HTR4: variants seen among roughly 807,000 people sequenced by gnomAD.
The protein encoded by HTR4 is 5-hydroxytryptamine receptor 4, also known as 5-hydroxytryptamine (serotonin) receptor 4, G protein-coupled.
In HTR4, 16 loss-of-function variants were observed where a neutral mutation model predicts 36.8. That is an observed-to-expected ratio of 0.43 (90% confidence interval 0.29 to 0.66). The LOEUF is 0.66. HTR4 is among the 30% of genes least tolerant of loss of function. The probability of loss-of-function intolerance (pLI) is 0.13; values close to 1 mark genes in which losing one functional copy is unlikely to be tolerated. For missense variants in HTR4, 438 were observed against 490.9 expected (o/e 0.89, Z 1.02); for synonymous variants, 189 against 185.1 (o/e 1.02, Z -0.17).
chr5:148,557,697 G>T (rs1426990234), intron 2 of HTR4, among the ~76,000 whole-genome samples: 1 of 151,570 alleles, frequency 6.6e-6, no homozygotes, highest in Non-Finnish European at 1.5e-5. Context: ...GGGGACATCA[G>T]ATGAGAGCGG....
At chr5:148,563,723 AC>A (rs796690459) in intron 2 of HTR4, among the ~76,000 whole-genome samples, 61 of 152,302 alleles carry the variant, frequency 4.0e-4, no homozygotes, top group African/African-American at 1.4e-3. Flanking sequence ...AGATATAACA[AC>A]TATTTGCATA....
chr5:148,555,946 T>TCACACACACACACA (rs60289333), intron 2 of HTR4, among the ~76,000 whole-genome samples: 2 of 149,736 alleles, frequency 1.3e-5, no homozygotes, highest in African/African-American at 2.5e-5. Flanking sequence ...TTATACTTTG[T>TCACACACACACACA]CACACACACA....
At chr5:148,466,972 G>A (rs1755445802) in intron 5 of HTR4, among the ~76,000 whole-genome samples, 1 of 152,092 alleles carries the variant, frequency 6.6e-6, no homozygotes, top group Non-Finnish European at 1.5e-5. Context: ...TAATTCATAA[G>A]CCAGTGTGAA....
In HTR4 at chr5:148,481,550, T is replaced by A; in HGVS notation, c.*1653A>T. 6.5e-7 allele frequency: 1 copy of A among 1,527,830 alleles called. No homozygotes were observed. Among genetic ancestry groups the A allele is most frequent in the Admixed American group, 2.0e-5 (1 of 49,672 alleles). The allele number at this position is 1,527,830 out of a possible 1,614,324, so 94.6% of individuals were successfully genotyped here. Reference sequence around the variant, plus strand: ...GACAGAGAGGCTTTTTTTTTTCTTTTTCTTTTTGGCATTTGGATGGTTTGG... The same window carrying A: ...GACAGAGAGGCTTTTTTTTTTCTTTATCTTTTTGGCATTTGGATGGTTTGG... On this transcript the variant is annotated 3_prime_UTR_variant, in exon 7 of 7. Coordinates refer to ENST00000377888, the MANE Select transcript of HTR4 (RefSeq NM_000870.7).
chr5:148,506,221 A>T (rs1383224181), intron 6 of HTR4, among the ~76,000 whole-genome samples: 1 of 152,184 alleles, frequency 6.6e-6, no homozygotes, highest in Non-Finnish European at 1.5e-5. Flanking sequence ...ATAATACCAC[A>T]CATCTACAAC....
In HTR4 at chr5:148,572,634, A is replaced by T. The variant is rs183594063; in HGVS notation, c.27-22372T>A. ...TCCTCAGTTACTCACTCCAATGTTC[A>T]GTCCATGAGTTCGTCATTACCAATA... On this transcript the variant is annotated intron_variant, in intron 2 of 6. Coordinates refer to ENST00000377888, the MANE Select transcript of HTR4 (RefSeq NM_000870.7). Among the ~76,000 whole-genome samples, 38 of 152,256 alleles carry T rather than the reference A, an allele frequency of 2.5e-4. No homozygotes were observed. In the East Asian group the frequency reaches 7.0e-3, roughly 28 times the overall value.
chr5:148,578,931 C>A lies in HTR4; in HGVS notation c.27-28669G>T, dbSNP rs192041665. 3.4e-4 allele frequency among the ~76,000 whole-genome samples: 52 copies of A among 152,198 alleles called. 1 individual carries two copies. The highest frequency in any genetic ancestry group is 2.8e-3 in the Admixed American group (43 of 15,264). ...GCTACTCTAGAAAAATCAGGATGTTCTTTTGCCCACTTCTCCTAATTATGC... is the reference window on the plus strand; with the variant it reads ...GCTACTCTAGAAAAATCAGGATGTTATTTTGCCCACTTCTCCTAATTATGC... On this transcript the variant is annotated intron_variant, in intron 2 of 6. Transcript: ENST00000377888.
At chr5:148,497,409 T>C (rs1412402248) in intron 6 of HTR4, among the ~76,000 whole-genome samples, 1 of 152,236 alleles carries the variant, frequency 6.6e-6, no homozygotes, top group Admixed American at 6.5e-5. Flanking sequence ...ATGATTATAA[T>C]AGATCATACA....
chr5:148,595,484 C>T (rs1761731776), intron 2 of HTR4, among the ~76,000 whole-genome samples: 1 of 152,134 alleles, frequency 6.6e-6, no homozygotes, highest in South Asian at 2.1e-4. Flanking sequence ...ACTGATAGCA[C>T]CCAGGACACA....
chr5:148,518,802 A>G (rs915055415), intron 5 of HTR4, among the ~76,000 whole-genome samples: 1 of 152,268 alleles, frequency 6.6e-6, no homozygotes, highest in South Asian at 2.1e-4. Flanking sequence ...ATTTTGTTCC[A>G]AAACACTTTT....
chr5:148,633,696 G>T (rs1357547215), intron 2 of HTR4, among the ~76,000 whole-genome samples: 1 of 152,048 alleles, frequency 6.6e-6, no homozygotes, highest in African/African-American at 2.4e-5. Context: ...TACACAGTGA[G>T]ATCCTTAAGC....
At chr5:148,643,443 G>A (rs1408941810) in intron 1 of HTR4, among the ~76,000 whole-genome samples, 1 of 152,052 alleles carries the variant, frequency 6.6e-6, no homozygotes, top group Non-Finnish European at 1.5e-5. Flanking sequence ...CAAAGGCAGA[G>A]ATTTTTTTCC....
intron 2 of HTR4, among the ~76,000 whole-genome samples, chr5:148,633,287 T>C (rs1252096062): frequency 6.6e-6 from 1 of 152,198 alleles, no homozygotes; most frequent in Non-Finnish European, 1.5e-5. Flanking sequence ...ATGCTTCTCA[T>C]ATTGCTAAAA....
At position 148,654,431 on chromosome 5, in the gene HTR4, G is replaced by C. The variant is rs1754134032; in HGVS notation, c.-417C>G. 1 of 985,480 alleles carries C rather than the reference G, an allele frequency of 1.0e-6. No homozygotes were observed. The highest frequency in any genetic ancestry group is 1.2e-6 in the Non-Finnish European group (1 of 829,964). 61.0% of individuals were successfully genotyped at this position (985,480 alleles called of 1,614,324 possible). On this transcript the variant is annotated 5_prime_UTR_variant, in exon 1 of 7. Transcript: ENST00000377888. Reference sequence around the variant, plus strand: ...AGCGGGGGTGCCGCTCTGCCGGCAGGGCGCACAGGGGAGTGGGCACAGAGG... The same window carrying C: ...AGCGGGGGTGCCGCTCTGCCGGCAGCGCGCACAGGGGAGTGGGCACAGAGG...
At chr5:148,517,194 G>T (rs921069028) in intron 5 of HTR4, among the ~76,000 whole-genome samples, 1 of 152,052 alleles carries the variant, frequency 6.6e-6, no homozygotes, top group Non-Finnish European at 1.5e-5. Context: ...AGGCATATTT[G>T]CTTCCAAGAC....
chr5:148,547,908 C>T (rs1759471113), intron 4 of HTR4, among the ~76,000 whole-genome samples: 1 of 152,162 alleles, frequency 6.6e-6, no homozygotes, highest in Non-Finnish European at 1.5e-5. Context: ...TAAGATACTA[C>T]TACATTGATA....
chr5:148,548,929 G>A, intron 3 of HTR4, 61 bp from the exon 4 acceptor site: 1 of 1,172,502 alleles, frequency 8.5e-7, no homozygotes, highest in Non-Finnish European at 1.3e-6. Context: ...AAAGGGGAGG[G>A]AGAAGAGATC....
downstream of HTR4, chr5:148,476,787 C>G (rs773449943): frequency 1.2e-6 from 2 of 1,611,908 alleles, no homozygotes; most frequent in Non-Finnish European, 1.7e-6. Flanking sequence ...ATGAACCACA[C>G]TGAAAAGCAT....
chr5:148,584,626 G>T (rs1040218565), intron 2 of HTR4, among the ~76,000 whole-genome samples: 13 of 152,084 alleles, frequency 8.5e-5, no homozygotes, highest in South Asian at 4.1e-4. Flanking sequence ...CTACTTCCTA[G>T]GTGACAGACC....
Sources: gnomAD v4.1 joint callset for allele counts (sites outside exome capture counted in the v4.1 genomes callset) on GRCh38, gnomAD v4.1.1 for gene constraint, MANE v1.5 for transcripts, NCBI Gene and HGNC (gene_info 2026-07-23, HGNC 2026-07-21) for gene names.